INSC: variants seen among roughly 807,000 people sequenced by gnomAD.
INSC encodes protein inscuteable homolog.
In INSC, 67 loss-of-function variants were observed where a neutral mutation model predicts 58.6. The observed-to-expected ratio is 1.14, with a 90% CI of 0.94 to 1.40. INSC has a LOEUF of 1.40. Among genes scored for constraint, INSC ranks in the 40% most tolerant of loss-of-function variants. The probability of loss-of-function intolerance (pLI) is 0.00; values close to 1 mark genes in which losing one functional copy is unlikely to be tolerated. For missense variants in INSC, 714 were observed against 692.0 expected (o/e 1.03, Z -0.36); for synonymous variants, 262 against 276.1 (o/e 0.95, Z 0.51).
chr11:15,238,352 G>T (rs892716810), intron 10 of INSC, among the ~76,000 whole-genome samples: 4 of 152,094 alleles, frequency 2.6e-5, no homozygotes, highest in African/African-American at 9.7e-5. Flanking sequence ...CTTAGGTTTG[G>T]ATCACCTCTT....
chr11:15,205,138 G>T (rs1308825763), intron 7 of INSC, among the ~76,000 whole-genome samples: 1 of 152,212 alleles, frequency 6.6e-6, no homozygotes, highest in African/African-American at 2.4e-5. Flanking sequence ...TGCTTTAAGA[G>T]GGTGAGGCAG....
At chr11:15,238,834 C>A in intron 10 of INSC, 85 bp from the exon 11 acceptor site, 3 of 1,426,814 alleles carry the variant, frequency 2.1e-6, no homozygotes, top group Non-Finnish European at 9.6e-7. Context: ...CCTTTGCTTG[C>A]ACCCTGCAGC....
chr11:15,193,040 T>G (rs1284778153), intron 6 of INSC, among the ~76,000 whole-genome samples: 2 of 152,256 alleles, frequency 1.3e-5, no homozygotes, highest in Admixed American at 6.5e-5. Context: ...AATAACTTGC[T>G]GCAGGGCATA....
In INSC at chr11:15,240,564, G is replaced by A. The variant is rs373236019; in HGVS notation, c.1470+41G>A. The A allele has an allele frequency of 9.0e-6, 14 of 1,558,600 alleles. No homozygotes were observed. The African/African-American group carries it at 1.2e-4, about 14-fold the overall frequency. On this transcript the variant is annotated intron_variant, in intron 12 of 12. Transcript: ENST00000379556. ...TCCCCCAGCTTTTCCCCTGGCCTTC[G>A]GAATGCAGCCAAGGGGGCCAGGAGA...
intron 5 of INSC, among the ~76,000 whole-genome samples, chr11:15,185,996 T>C (rs1712026153): frequency 7.0e-6 from 1 of 143,358 alleles, no homozygotes; most frequent in Non-Finnish European, 1.6e-5. Context: ...TATTATGAGG[T>C]CTATTGTTCC....
downstream of INSC, among the ~76,000 whole-genome samples, chr11:15,250,892 G>A (rs1377437879): frequency 1.3e-5 from 2 of 152,178 alleles, no homozygotes; most frequent in East Asian, 1.9e-4. Context: ...CCCAAAATCT[G>A]CTTCTCCATA....
At chr11:15,134,894 C>G (rs192903300) in intron 1 of INSC, among the ~76,000 whole-genome samples, 179 of 151,540 alleles carry the variant, frequency 1.2e-3, no homozygotes, top group African/African-American at 4.2e-3. Context: ...GTTGCTTTGG[C>G]ATCACTCAAC....
chr11:15,119,868 C>T (rs891238413), intron 1 of INSC, among the ~76,000 whole-genome samples: 4 of 152,206 alleles, frequency 2.6e-5, no homozygotes, highest in Non-Finnish European at 5.9e-5. Flanking sequence ...TGGGGTTCCT[C>T]ATAAGGCAAT....
At chr11:15,263,505 G>T in the INSC span, among the ~76,000 whole-genome samples, 1 of 152,102 alleles carries the variant, frequency 6.6e-6, no homozygotes, top group African/African-American at 2.4e-5. Flanking sequence ...TACTTTAAAA[G>T]AAATGATAGT....
At chr11:15,233,593 G>C (rs1284593604) in intron 9 of INSC, among the ~76,000 whole-genome samples, 1 of 152,204 alleles carries the variant, frequency 6.6e-6, no homozygotes, top group Non-Finnish European at 1.5e-5. Flanking sequence ...ATCTAAATTA[G>C]TCTGACACAA....
chr11:15,166,000 G>A (rs756273097), intron 2 of INSC, among the ~76,000 whole-genome samples: 9 of 152,094 alleles, frequency 5.9e-5, no homozygotes, highest in Admixed American at 2.6e-4. Context: ...TCTTCTGCTC[G>A]ACTATGTAAG....
intron 10 of INSC, among the ~76,000 whole-genome samples, chr11:15,237,953 A>G (rs1852194214): frequency 6.6e-6 from 1 of 152,136 alleles, no homozygotes; most frequent in Non-Finnish European, 1.5e-5. Flanking sequence ...GCAACAAAAC[A>G]AAGCAAAACT....
intron 5 of INSC, among the ~76,000 whole-genome samples, chr11:15,186,544 T>G (rs1157111675): frequency 6.6e-6 from 1 of 152,200 alleles, no homozygotes; most frequent in African/African-American, 2.4e-5. Flanking sequence ...TCAAAATATT[T>G]TAGTTCTAAG....
At chr11:15,200,673 T>G (rs569686801) in intron 6 of INSC, 151 bp from the exon 7 acceptor site, 1 of 872,036 alleles carries the variant, frequency 1.1e-6, no homozygotes, top group South Asian at 1.7e-5. Flanking sequence ...TGTGAGCATT[T>G]GAGTGTGTGT....
intron 2 of INSC, among the ~76,000 whole-genome samples, chr11:15,172,798 T>C (rs1849444805): frequency 6.6e-6 from 1 of 151,562 alleles, no homozygotes; most frequent in South Asian, 2.1e-4. Flanking sequence ...GCGCTAGGAG[T>C]TGGGGAAGAT....
At chr11:15,229,333 G>T (rs1041095138) in intron 9 of INSC, among the ~76,000 whole-genome samples, 3 of 152,098 alleles carry the variant, frequency 2.0e-5, no homozygotes, top group Non-Finnish European at 1.5e-5. Context: ...ATTTATCAGG[G>T]AATGCCAGTC....
chr11:15,187,869 C>T (rs2133854286), intron 5 of INSC, among the ~76,000 whole-genome samples: 1 of 152,078 alleles, frequency 6.6e-6, no homozygotes, highest in Middle Eastern at 3.4e-3. Flanking sequence ...TCTTGATTTC[C>T]TGAAAAAAAT....
chr11:15,247,733 G>GTATA (rs57312382), downstream of INSC, among the ~76,000 whole-genome samples: 60 of 127,488 alleles, frequency 4.7e-4, 3 homozygotes, highest in African/African-American at 6.1e-4. Flanking sequence ...TAGAAATAAG[G>GTATA]TATATATATA....
At chr11:15,210,413 G>T (rs1374648006) in intron 7 of INSC, among the ~76,000 whole-genome samples, 3 of 82,528 alleles carry the variant, frequency 3.6e-5, no homozygotes. Context: ...CTGTGGGTTT[G>T]GGTTGTGTTG....
Sources: allele counts gnomAD v4.1 joint callset (sites outside exome capture counted in the v4.1 genomes callset), GRCh38; gene constraint gnomAD v4.1.1; transcripts MANE v1.5; gene names NCBI Gene and HGNC (gene_info 2026-07-23, HGNC 2026-07-21).